Variants in MNS1 observed in about 807,000 individuals in gnomAD.
MNS1 encodes the protein meiosis specific nuclear structural 1.
In MNS1, 63 loss-of-function variants were observed where a neutral mutation model predicts 72.0. The ratio of observed to expected loss-of-function variants is 0.87; its 90% CI spans 0.71 to 1.08. The LOEUF (loss-of-function observed/expected upper bound fraction) is 1.08. MNS1 is among the 50% of genes least tolerant of loss of function. The pLI is 0.00. For synonymous variants in MNS1, 188 were observed against 172.1 expected, an observed-to-expected ratio of 1.09 and a Z score of -0.72; for missense variants, 604 against 562.4, an observed-to-expected ratio of 1.07 and a Z score of -0.75.
chr15:56,443,969 C>G (rs1277760848), intron 5 of MNS1, 115 bp from the exon 6 acceptor site: 24 of 820,246 alleles, frequency 2.9e-5, no homozygotes, highest in Non-Finnish European at 4.0e-5. Context: ...TTCGTGCATG[C>G]AACAAACATT....
chr15:56,452,229 AAC>A (rs1172307988), intron 3 of MNS1, among the ~76,000 whole-genome samples: 8 of 152,204 alleles, frequency 5.3e-5, no homozygotes, highest in Non-Finnish European at 1.2e-4. Context: ...AAAGAAACGA[AAC>A]ACAGCAAAAT....
chr15:56,463,321 G>A (rs1316663866), intron 2 of MNS1, among the ~76,000 whole-genome samples: 1 of 151,958 alleles, frequency 6.6e-6, no homozygotes, highest in Non-Finnish European at 1.5e-5. Context: ...GTACTTACAT[G>A]AACAAAACTG....
chr15:56,446,907 T>C lies in MNS1; in HGVS notation c.390A>G (p.Ala130=), dbSNP rs774627850. ...CTGCCCTTTCTTTATTCATGTAAGC[T>C]GCTTTTAATTTCTTCTCCAATTCTC... ...ELRELEKKLK[A]AYMNKERAAQ... The change falls in exon 4 of 10, where the codon GCA becomes GCG. Residue 130 remains alanine (A), a synonymous_variant. Coordinates refer to ENST00000260453, the MANE Select transcript of MNS1 (RefSeq NM_018365.4). The C allele has an allele frequency of 1.2e-6, 2 of 1,609,966 alleles. No individual in the cohort carries two copies. Among genetic ancestry groups the C allele is most frequent in the South Asian group, 1.1e-5 (1 of 90,980 alleles).
chr15:56,450,612 T>C (rs1006913580), intron 3 of MNS1, among the ~76,000 whole-genome samples: 3 of 152,222 alleles, frequency 2.0e-5, no homozygotes, highest in East Asian at 1.9e-4. Context: ...CTGAAGGATA[T>C]TGTATAATGT....
At chr15:56,457,408 T>C (rs1003128952) in intron 2 of MNS1, among the ~76,000 whole-genome samples, 7 of 152,168 alleles carry the variant, frequency 4.6e-5, no homozygotes, top group Non-Finnish European at 8.8e-5. Context: ...CCTATTGGAA[T>C]GGCTAAAACA....
At chr15:56,450,203 A>G (rs2050938732) in intron 3 of MNS1, among the ~76,000 whole-genome samples, 1 of 152,176 alleles carries the variant, frequency 6.6e-6, no homozygotes, top group African/African-American at 2.4e-5. Context: ...AGCCTTAACT[A>G]TATGCCACAA....
At position 56,456,404 on chromosome 15, in the gene MNS1, T is replaced by C; in HGVS notation, c.343A>G (p.Arg115Gly). The C allele has an allele frequency of 1.9e-6, 3 of 1,606,046 alleles. No individual in the cohort carries two copies. The highest frequency in any genetic ancestry group is 2.5e-6 in the Non-Finnish European group (3 of 1,178,130). Residue 115 changes from arginine to glycine, a missense_variant, in exon 3 of 10, where the codon AGA becomes GGA. Physicochemically the swap from Arg to Gly is moderately radical, Grantham distance 125. Coordinates refer to ENST00000260453, the MANE Select transcript of MNS1 (RefSeq NM_018365.4). ...LKDEKMRQQV[R>G]ENSIELRELE... is the part of the protein sequence containing the mutation. ...GAGAAACCAAGATACCTGTTTTCTC[T>C]TACTTGTTGCCTCATCTTTTCGTCC...
chr15:56,456,398 T>C lies in MNS1; in HGVS notation c.349A>G (p.Asn117Asp). 1 of 1,603,966 alleles carries C rather than the reference T, an allele frequency of 6.2e-7. No individual in the cohort carries two copies. The highest frequency in any genetic ancestry group is 8.5e-7 in the Non-Finnish European group (1 of 1,177,588). Residue 117 changes from asparagine to aspartate, a missense_variant, in exon 3 of 10, where the codon AAC becomes GAC. Coordinates refer to ENST00000260453, the MANE Select transcript of MNS1 (RefSeq NM_018365.4). ...AATTTAGAGAAACCAAGATACCTGT[T>C]TTCTCTTACTTGTTGCCTCATCTTT... The part of the protein sequence containing the change: ...DEKMRQQVRE[N>D]SIELRELEKK...
intron 2 of MNS1, among the ~76,000 whole-genome samples, chr15:56,458,228 G>C (rs538295773): frequency 1.1e-4 from 17 of 152,222 alleles, no homozygotes; most frequent in African/African-American, 3.6e-4. Flanking sequence ...TCACAATTCA[G>C]TGATGTTGTA....
At chr15:56,431,892 G>C (rs1339450470) in intron 8 of MNS1, among the ~76,000 whole-genome samples, 2 of 151,536 alleles carry the variant, frequency 1.3e-5, no homozygotes, top group Non-Finnish European at 2.9e-5. Context: ...ATATCTAAAG[G>C]ATATTTTCAT....
rs1246996316 is a variant in MNS1, at chr15:56,465,114, C to A, written c.-142G>T. The A allele has an allele frequency of 3.6e-6, 4 of 1,102,802 alleles. No homozygotes were observed. Among genetic ancestry groups the A allele is most frequent in the East Asian group, 2.4e-5 (1 of 41,444 alleles). 68.3% of individuals were successfully genotyped at this position (1,102,802 alleles called of 1,614,324 possible). A position where few individuals can be genotyped will look rare whatever the true frequency, so the allele number is the denominator to read the frequency against. On this transcript the variant is annotated 5_prime_UTR_variant, in exon 1 of 10. Transcript: ENST00000260453. Reference sequence around the variant, plus strand: ...CGGCGTCTTGGCAACGGTGGAGCTGCGCGCCCTCCGCTCGACCAAAAGTGA... The same window carrying A: ...CGGCGTCTTGGCAACGGTGGAGCTGAGCGCCCTCCGCTCGACCAAAAGTGA...
chr15:56,460,009 A>AAAAAAAAAAAAAAAAAT lies in MNS1; in HGVS notation c.226-3489_226-3488insATTTTTTTTTTTTTTTT. 6.4e-4 allele frequency among the ~76,000 whole-genome samples: 17 copies of AAAAAAAAAAAAAAAAAT among 26,386 alleles called. 5 individuals are homozygous for AAAAAAAAAAAAAAAAAT. The highest frequency in any genetic ancestry group is 2.6e-3 in the African/African-American group (17 of 6,652). The allele number at this position is 26,386 out of a possible 152,430, so 17.3% of individuals were successfully genotyped here. A position where few individuals can be genotyped will look rare whatever the true frequency, so the allele number is the denominator to read the frequency against. On this transcript the variant is annotated intron_variant, in intron 2 of 9. Transcript: ENST00000260453. ...CTGTCTCAAAAAAAAAAAAAAAAAA[A>AAAAAAAAAAAAAAAAAT]ATACATATATATATATATATATATA...
chr15:56,453,456 A>C lies in MNS1; in HGVS notation c.353+2938T>G, dbSNP rs1013792085. Among the ~76,000 whole-genome samples the C allele has an allele frequency of 3.3e-5, 5 of 152,162 alleles. 1 individual carries two copies. The South Asian group carries it at 1.0e-3, about 31-fold the overall frequency. On this transcript the variant is annotated intron_variant, in intron 3 of 9. Transcript: ENST00000260453. Reference sequence around the variant, plus strand: ...TTTATGAATTAACAGCTTGATTATCAGTCCAGAACATAATTATACTGGTAT... The same window carrying C: ...TTTATGAATTAACAGCTTGATTATCCGTCCAGAACATAATTATACTGGTAT...
intron 7 of MNS1, among the ~76,000 whole-genome samples, chr15:56,436,532 T>C (rs544624007): frequency 1.1e-4 from 17 of 151,936 alleles, no homozygotes; most frequent in Middle Eastern, 3.4e-3. Flanking sequence ...CACCCTAACA[T>C]CACAATTAAA....
chr15:56,444,811 A>G, intron 4 of MNS1, 138 bp from the exon 5 acceptor site: 1 of 755,994 alleles, frequency 1.3e-6, no homozygotes, highest in South Asian at 1.9e-5. Flanking sequence ...TTAAAAAGCA[A>G]AAGTAAGTTA....
At chr15:56,452,414 T>G (rs574435575) in intron 3 of MNS1, among the ~76,000 whole-genome samples, 1 of 152,258 alleles carries the variant, frequency 6.6e-6, no homozygotes, top group South Asian at 2.1e-4. Flanking sequence ...GGGTTCTTAT[T>G]GGGGGTGGTA....
At chr15:56,450,568 T>A (rs555478410) in intron 3 of MNS1, among the ~76,000 whole-genome samples, 1 of 152,348 alleles carries the variant, frequency 6.6e-6, no homozygotes, top group Admixed American at 6.5e-5. Context: ...ACTAATATTT[T>A]AGCATGTATC....
At chr15:56,452,558 G>A (rs1348622639) in intron 3 of MNS1, among the ~76,000 whole-genome samples, 29 of 144,564 alleles carry the variant, frequency 2.0e-4, no homozygotes, top group Middle Eastern at 3.6e-3. Flanking sequence ...TCTCTCTGTC[G>A]CCCAGGCTGG....
At chr15:56,436,824 C>A (rs571152900) in intron 7 of MNS1, among the ~76,000 whole-genome samples, 36 of 152,258 alleles carry the variant, frequency 2.4e-4, no homozygotes, top group African/African-American at 6.7e-4. Context: ...ACTATAAACA[C>A]CTCTACGCAA....
Sources: allele counts gnomAD v4.1 joint callset (sites outside exome capture counted in the v4.1 genomes callset), GRCh38; gene constraint gnomAD v4.1.1; transcripts MANE v1.5; gene names NCBI Gene and HGNC (gene_info 2026-07-23, HGNC 2026-07-21).